Variants in GRIK2 observed in about 807,000 individuals in gnomAD.
The protein encoded by GRIK2 is glutamate ionotropic receptor kainate type subunit 2, also known as glutamate receptor ionotropic, kainate 2.
A neutral mutation model predicts 100.3 loss-of-function variants in GRIK2; 32 were observed. That is an observed-to-expected ratio of 0.32 (90% confidence interval 0.24 to 0.43). GRIK2 has a LOEUF of 0.43. GRIK2 is among the 20% of genes least tolerant of loss of function. The pLI, the probability that GRIK2 is intolerant of heterozygous loss-of-function variation, is 1.00. For missense variants in GRIK2, 843 were observed against 1,114.9 expected, an observed-to-expected ratio of 0.76 and a Z score of 3.47; for synonymous variants, 417 against 389.4, an observed-to-expected ratio of 1.07 and a Z score of -0.83.
At chr6:102,067,304 T>C (rs548170353) in intron 16 of GRIK2, among the ~76,000 whole-genome samples, 158 of 151,846 alleles carry the variant, frequency 1.0e-3, no homozygotes, top group Middle Eastern at 3.4e-3. Context: ...TATATTATTA[T>C]TAACTATAGT....
intron 2 of GRIK2, among the ~76,000 whole-genome samples, chr6:101,492,450 C>G (rs1251795217): frequency 4.0e-5 from 6 of 151,862 alleles, no homozygotes; most frequent in Non-Finnish European, 5.9e-5. Context: ...ATTTCTCTCT[C>G]TCAAAAATGA....
chr6:102,031,145 G>A (rs572402866), intron 14 of GRIK2, among the ~76,000 whole-genome samples: 2 of 127,452 alleles, frequency 1.6e-5, no homozygotes, highest in South Asian at 2.6e-4. Context: ...TGAGTTTCTG[G>A]ATGTCTTTCC....
chr6:101,773,487 A>G (rs1778537515), intron 7 of GRIK2, among the ~76,000 whole-genome samples: 1 of 151,070 alleles, frequency 6.6e-6, no homozygotes, highest in Non-Finnish European at 1.5e-5. Flanking sequence ...TCAAAAAAAA[A>G]AAAAAAGGAA....
chr6:101,857,451 G>A (rs1784485493), intron 10 of GRIK2, among the ~76,000 whole-genome samples: 1 of 152,132 alleles, frequency 6.6e-6, no homozygotes, highest in African/African-American at 2.4e-5. Context: ...GAAGGAAGAT[G>A]AAAATAATCT....
chr6:101,399,492 T>C (rs1256042587), intron 2 of GRIK2, 100 bp downstream of exon 2: 2 of 741,740 alleles, frequency 2.7e-6, no homozygotes, highest in East Asian at 2.5e-5. Flanking sequence ...CCGTGGATTC[T>C]GATCTGCTCA....
At chr6:101,407,118 T>C (rs1004933345) in intron 2 of GRIK2, among the ~76,000 whole-genome samples, 1 of 152,120 alleles carries the variant, frequency 6.6e-6, no homozygotes, top group African/African-American at 2.4e-5. Flanking sequence ...AGCTATTTGG[T>C]CTATTTTATG....
At chr6:101,698,045 C>G (rs118018475) in intron 7 of GRIK2, among the ~76,000 whole-genome samples, 34 of 152,180 alleles carry the variant, frequency 2.2e-4, no homozygotes, top group Non-Finnish European at 4.6e-4. Flanking sequence ...AATAAGAATG[C>G]AACTGTGTAA....
At chr6:101,970,798 A>G (rs984491937) in intron 14 of GRIK2, among the ~76,000 whole-genome samples, 1 of 150,804 alleles carries the variant, frequency 6.6e-6, no homozygotes, top group Non-Finnish European at 1.5e-5. Context: ...TCTGCAGTTA[A>G]GTCCTGCCTC....
chr6:101,683,903 T>G (rs1393551875), intron 6 of GRIK2, among the ~76,000 whole-genome samples: 1 of 152,202 alleles, frequency 6.6e-6, no homozygotes, highest in Non-Finnish European at 1.5e-5. Flanking sequence ...AGCATCTATC[T>G]TCTCCATTCC....
At chr6:101,634,881 T>G (rs1251116618) in intron 4 of GRIK2, among the ~76,000 whole-genome samples, 1 of 152,082 alleles carries the variant, frequency 6.6e-6, no homozygotes, top group East Asian at 1.9e-4. Context: ...GAAGTATACT[T>G]ATAGATTGCT....
chr6:101,806,092 G>T (rs1468522831), intron 9 of GRIK2, among the ~76,000 whole-genome samples: 1 of 152,020 alleles, frequency 6.6e-6, no homozygotes, highest in Non-Finnish European at 1.5e-5. Context: ...AGCCACTTCT[G>T]TGCAAACAAG....
intron 2 of GRIK2, among the ~76,000 whole-genome samples, chr6:101,399,620 T>C (rs1775168246): frequency 1.3e-5 from 2 of 152,178 alleles, no homozygotes; most frequent in Non-Finnish European, 1.5e-5. Flanking sequence ...GGTAGTGGTC[T>C]CTGCATTACC....
intron 2 of GRIK2, among the ~76,000 whole-genome samples, chr6:101,562,453 T>C (rs1362107657): frequency 3.3e-5 from 5 of 151,950 alleles, no homozygotes; most frequent in African/African-American, 1.2e-4. Context: ...ATTCTCCTGC[T>C]TGAGCCTCCT....
chr6:101,912,482 T>A (rs1373295318), intron 12 of GRIK2, among the ~76,000 whole-genome samples: 1 of 151,516 alleles, frequency 6.6e-6, no homozygotes, highest in East Asian at 1.9e-4. Flanking sequence ...TGATTACCAG[T>A]GGTGGGAAAG....
At chr6:101,795,024 G>C (rs1339197129) in intron 7 of GRIK2, among the ~76,000 whole-genome samples, 1 of 151,742 alleles carries the variant, frequency 6.6e-6, no homozygotes, top group Non-Finnish European at 1.5e-5. Flanking sequence ...CAGCTACCAT[G>C]ACCCACTAAC....
chr6:101,783,822 A>AT, intron 7 of GRIK2, among the ~76,000 whole-genome samples: 1 of 152,158 alleles, frequency 6.6e-6, no homozygotes, highest in Admixed American at 6.5e-5. Flanking sequence ...CCTCTGTGGA[A>AT]CTTTGAACTT....
intron 11 of GRIK2, among the ~76,000 whole-genome samples, chr6:101,876,909 C>A (rs979260466): frequency 6.6e-6 from 1 of 151,904 alleles, no homozygotes; most frequent in African/African-American, 2.4e-5. Context: ...TAAATGGACT[C>A]ATTCCCCTAC....
At chr6:101,422,953 T>G (rs1159675610) in intron 2 of GRIK2, among the ~76,000 whole-genome samples, 1 of 152,186 alleles carries the variant, frequency 6.6e-6, no homozygotes, top group Non-Finnish European at 1.5e-5. Flanking sequence ...TGAACTTTCA[T>G]GTTGTCATAA....
In GRIK2 at chr6:101,519,751, C is replaced by CA. The variant is rs1323811111; in HGVS notation, c.116-102191dup. Among the ~76,000 whole-genome samples the CA allele has an allele frequency of 7.9e-5, 12 of 151,972 alleles. No individual in the cohort carries two copies. The East Asian group carries it at 2.1e-3, about 27-fold the overall frequency. On this transcript the variant is annotated intron_variant, in intron 2 of 16. Coordinates refer to ENST00000369134, the MANE Select transcript of GRIK2 (RefSeq NM_021956.5). ...TAAATTGTAACTGTACATATGCATA[C>CA]AAAAAAATCAGACTATGTAAATTCT... is the stretch of plus-strand genomic sequence containing the variant.
Sources: allele counts gnomAD v4.1 joint callset (sites outside exome capture counted in the v4.1 genomes callset), GRCh38; gene constraint gnomAD v4.1.1; transcripts MANE v1.5; gene names NCBI Gene and HGNC (gene_info 2026-07-23, HGNC 2026-07-21).